RAD51B: variants seen among roughly 807,000 people sequenced by gnomAD.
RAD51B encodes the protein DNA repair protein RAD51 homolog 2.
RAD51B carries 38 observed loss-of-function variants against 42.2 expected under a neutral mutation model. That is an observed-to-expected ratio of 0.90 (90% CI 0.70 to 1.18). The LOEUF is 1.18. Among genes scored for constraint, RAD51B ranks in the 50% most tolerant of loss-of-function variants. The probability of loss-of-function intolerance (pLI) is 0.00; values close to 1 mark genes in which losing one functional copy is unlikely to be tolerated. For synonymous variants in RAD51B, 154 were observed against 145.2 expected (o/e 1.06, Z -0.43); for missense variants, 373 against 400.7 (o/e 0.93, Z 0.59).
intron 7 of RAD51B, among the ~76,000 whole-genome samples, chr14:67,975,077 G>A (rs1426175040): frequency 3.3e-5 from 5 of 152,100 alleles, no homozygotes; most frequent in Admixed American, 6.5e-5. Context: ...CTAAAACTTA[G>A]CCGCTTTAAA....
At chr14:67,821,053 G>A (rs2040610296) in intron 1 of RAD51B, among the ~76,000 whole-genome samples, 1 of 152,196 alleles carries the variant, frequency 6.6e-6, no homozygotes, top group South Asian at 2.1e-4. Context: ...AAGTGTTAAA[G>A]GATAATCGTG....
intron 7 of RAD51B, among the ~76,000 whole-genome samples, chr14:67,993,896 A>C (rs2075338761): frequency 6.6e-6 from 1 of 152,184 alleles, no homozygotes; most frequent in African/African-American, 2.4e-5. Context: ...AAACACTGGA[A>C]AATACTGATT....
chr14:68,037,835 C>T (rs2076158367), intron 7 of RAD51B, among the ~76,000 whole-genome samples: 1 of 152,158 alleles, frequency 6.6e-6, no homozygotes, highest in African/African-American at 2.4e-5. Context: ...AAACAATGTA[C>T]TTTCTGTGTA....
intron 10 of RAD51B, among the ~76,000 whole-genome samples, chr14:68,646,368 G>T (rs780245109): frequency 6.6e-6 from 1 of 152,114 alleles, no homozygotes; most frequent in East Asian, 1.9e-4. Context: ...CATTCCAAAG[G>T]TTGGTCTTTT....
intron 7 of RAD51B, among the ~76,000 whole-genome samples, chr14:67,891,939 G>A (rs983838945): frequency 3.3e-5 from 5 of 152,154 alleles, no homozygotes; most frequent in African/African-American, 9.7e-5. Context: ...GCCTGATGAA[G>A]TCACTCTGAT....
chr14:67,991,007 T>A (rs1293651087), intron 7 of RAD51B, among the ~76,000 whole-genome samples: 2 of 152,026 alleles, frequency 1.3e-5, no homozygotes, highest in African/African-American at 4.8e-5. Flanking sequence ...AGAAGAAGAG[T>A]AATACAGATA....
At position 67,928,962 on chromosome 14, in the gene RAD51B, T is replaced by A. The variant is rs114930601; in HGVS notation, c.756+41758T>A. 8.0e-3 allele frequency among the ~76,000 whole-genome samples: 1,223 copies of A among 152,310 alleles called. 15 individuals carry two copies. Among genetic ancestry groups the A allele is most frequent in the African/African-American group, 0.028 (1,146 of 41,576 alleles). On this transcript the variant is annotated intron_variant, in intron 7 of 10. Coordinates refer to ENST00000471583, the MANE Select transcript of RAD51B (RefSeq NM_133510.4). ...GGTGTCAGCTGCAATGTCTCCTTTT[T>A]CATTTCTGAGTTTGTTTATTTGGGA...
chr14:68,570,465 T>C (rs2140038170), intron 10 of RAD51B, among the ~76,000 whole-genome samples: 1 of 152,348 alleles, frequency 6.6e-6, no homozygotes, highest in Admixed American at 6.5e-5. Context: ...TGTAGGACCT[T>C]AAAAATACCA....
chr14:67,846,474 G>A (rs7152727), intron 4 of RAD51B, among the ~76,000 whole-genome samples: 2 of 152,272 alleles, frequency 1.3e-5, no homozygotes, highest in East Asian at 1.9e-4. Flanking sequence ...CCAGCAAAAC[G>A]GTAGGGCAGG....
At chr14:68,551,785 T>TCCCC (rs1172116458) in intron 10 of RAD51B, among the ~76,000 whole-genome samples, 2 of 152,322 alleles carry the variant, frequency 1.3e-5, no homozygotes, top group African/African-American at 4.8e-5. Flanking sequence ...CTGGGGTCTC[T>TCCCC]CCCCAGATGC....
intron 4 of RAD51B, among the ~76,000 whole-genome samples, chr14:67,846,887 C>G (rs2041634313): frequency 6.6e-6 from 1 of 152,194 alleles, no homozygotes; most frequent in South Asian, 2.1e-4. Flanking sequence ...ACCAAACCCT[C>G]TGGGTTCCAC....
chr14:67,845,683 A>C (rs569420780), intron 4 of RAD51B, among the ~76,000 whole-genome samples: 60 of 152,178 alleles, frequency 3.9e-4, no homozygotes, highest in Middle Eastern at 6.8e-3. Flanking sequence ...CACACACACA[A>C]AAAAACACAC....
At chr14:68,531,795 T>G (rs1424844690) in intron 10 of RAD51B, among the ~76,000 whole-genome samples, 2 of 152,114 alleles carry the variant, frequency 1.3e-5, no homozygotes, top group African/African-American at 4.8e-5. Flanking sequence ...GTTCAGGAGT[T>G]TGAGACCAGC....
chr14:67,999,419 G>A (rs1352418897), intron 7 of RAD51B, among the ~76,000 whole-genome samples: 2 of 152,132 alleles, frequency 1.3e-5, no homozygotes, highest in Non-Finnish European at 2.9e-5. Flanking sequence ...AACCCAAATG[G>A]GATAGTGCCT....
chr14:68,621,075 C>A (rs1317145632), intron 10 of RAD51B, among the ~76,000 whole-genome samples: 1 of 152,208 alleles, frequency 6.6e-6, no homozygotes, highest in Non-Finnish European at 1.5e-5. Flanking sequence ...GATGGCTTAA[C>A]CCCTCATTGG....
At chr14:68,127,601 T>C (rs1314744996) in intron 7 of RAD51B, among the ~76,000 whole-genome samples, 1 of 123,498 alleles carries the variant, frequency 8.1e-6, no homozygotes, top group Non-Finnish European at 1.7e-5. Flanking sequence ...AATTGTACAT[T>C]GTAACACACA....
chr14:68,677,971 T>G (rs567829804), intron 11 of RAD51B, among the ~76,000 whole-genome samples: 2 of 152,296 alleles, frequency 1.3e-5, no homozygotes, highest in East Asian at 3.9e-4. Context: ...CATAGTGCCA[T>G]GAATACTGGC....
intron 7 of RAD51B, among the ~76,000 whole-genome samples, chr14:68,041,353 C>A (rs80079314): frequency 0.019 from 2,903 of 152,244 alleles, 45 homozygotes; most frequent in African/African-American, 0.039. Flanking sequence ...CTAATACAGT[C>A]TCCTTGTCTC....
At chr14:68,537,270 G>A (rs1378886446) in intron 10 of RAD51B, among the ~76,000 whole-genome samples, 5 of 151,946 alleles carry the variant, frequency 3.3e-5, no homozygotes, top group African/African-American at 1.2e-4. Context: ...AGGCCGAGGC[G>A]GGCGGATCAC....
Sources: allele counts gnomAD v4.1 joint callset (sites outside exome capture counted in the v4.1 genomes callset), GRCh38; gene constraint gnomAD v4.1.1; transcripts MANE v1.5; gene names NCBI Gene and HGNC (gene_info 2026-07-23, HGNC 2026-07-21).